Variants in RABGAP1L observed in about 807,000 individuals in gnomAD.
RABGAP1L encodes the protein rab GTPase-activating protein 1-like.
In RABGAP1L, 63 loss-of-function variants were observed where a neutral mutation model predicts 137.7. That is an observed-to-expected ratio of 0.46 (90% CI 0.37 to 0.56). The LOEUF (loss-of-function observed/expected upper bound fraction) is 0.56. Among genes scored for constraint, RABGAP1L ranks in the 20% least tolerant of loss-of-function variants. The probability of loss-of-function intolerance (pLI) is 0.00; values close to 1 mark genes in which losing one functional copy is unlikely to be tolerated. For synonymous variants in RABGAP1L, 431 were observed against 433.7 expected, an observed-to-expected ratio of 0.99 and a Z score of 0.08; for missense variants, 1,095 against 1,244.0, an observed-to-expected ratio of 0.88 and a Z score of 1.80.
intron 5 of RABGAP1L, 119 bp downstream of exon 5, chr1:174,241,776 A>G: frequency 2.2e-6 from 2 of 904,146 alleles, no homozygotes; most frequent in Non-Finnish European, 3.2e-6. Flanking sequence ...TCTAAAGACA[A>G]AATTAATATT....
intron 22 of RABGAP1L, among the ~76,000 whole-genome samples, chr1:174,977,817 A>G (rs906470465): frequency 1.3e-5 from 2 of 152,208 alleles, no homozygotes; most frequent in East Asian, 1.9e-4. Flanking sequence ...AAAGATCAAT[A>G]TAAACAACTG....
intron 19 of RABGAP1L, among the ~76,000 whole-genome samples, chr1:174,848,334 C>A (rs1647407957): frequency 1.2e-5 from 1 of 82,192 alleles, no homozygotes; most frequent in African/African-American, 5.5e-5. Flanking sequence ...TTTTTCTGTT[C>A]TGTTTTTTCC....
chr1:174,666,988 A>C (rs1224399956), intron 14 of RABGAP1L, among the ~76,000 whole-genome samples: 1 of 86,504 alleles, frequency 1.2e-5, no homozygotes, highest in African/African-American at 8.8e-5. Flanking sequence ...TACAAGGCAA[A>C]AAAAAAAAAA....
At chr1:174,588,063 G>A (rs575270848) in intron 13 of RABGAP1L, among the ~76,000 whole-genome samples, 17 of 151,960 alleles carry the variant, frequency 1.1e-4, no homozygotes, top group Admixed American at 8.5e-4. Flanking sequence ...ACAGATTTTT[G>A]CAATGTTGGC....
intron 13 of RABGAP1L, among the ~76,000 whole-genome samples, chr1:174,590,347 T>TTAA (rs774416743): frequency 7.5e-6 from 1 of 133,968 alleles, no homozygotes; most frequent in South Asian, 2.3e-4. Context: ...TTTTTTTTTT[T>TTAA]ATTTATTTTT....
chr1:174,442,527 T>G (rs1654276648), intron 13 of RABGAP1L, among the ~76,000 whole-genome samples: 2 of 152,166 alleles, frequency 1.3e-5, no homozygotes. Context: ...GAGGAAAGAA[T>G]AGGACCTTCT....
intron 17 of RABGAP1L, among the ~76,000 whole-genome samples, chr1:174,708,084 A>G (rs1351986025): frequency 6.6e-6 from 1 of 152,206 alleles, no homozygotes; most frequent in Non-Finnish European, 1.5e-5. Flanking sequence ...CATGAAATTT[A>G]AGGAAATCGT....
At chr1:174,667,354 G>A (rs1018166711) in intron 14 of RABGAP1L, among the ~76,000 whole-genome samples, 58 of 152,080 alleles carry the variant, frequency 3.8e-4, no homozygotes, top group Non-Finnish European at 4.4e-5. Context: ...GAGAATCTAA[G>A]TGATATAATG....
chr1:174,222,183 A>G (rs1255375782), intron 3 of RABGAP1L, among the ~76,000 whole-genome samples: 2 of 152,158 alleles, frequency 1.3e-5, no homozygotes, highest in Non-Finnish European at 2.9e-5. Context: ...TGATTGGACC[A>G]GTGAAACCAT....
At chr1:174,713,140 A>G (rs1367101114) in intron 17 of RABGAP1L, among the ~76,000 whole-genome samples, 4 of 152,170 alleles carry the variant, frequency 2.6e-5, no homozygotes, top group East Asian at 1.9e-4. Context: ...TTGAAGTGCT[A>G]TGTATCTCAC....
chr1:174,731,897 A>G (rs1682505930), intron 17 of RABGAP1L, among the ~76,000 whole-genome samples: 2 of 152,190 alleles, frequency 1.3e-5, no homozygotes, highest in African/African-American at 2.4e-5. Flanking sequence ...TGTTTCTACT[A>G]TATTCAAATC....
At chr1:174,532,226 T>G (rs76972849) in intron 13 of RABGAP1L, among the ~76,000 whole-genome samples, 5,248 of 151,734 alleles carry the variant, frequency 0.035, 118 homozygotes, top group Middle Eastern at 0.089. Context: ...TTTTTTTTTT[T>G]GGGACACAGT....
intron 4 of RABGAP1L, among the ~76,000 whole-genome samples, chr1:174,232,148 T>A (rs1328461367): frequency 6.6e-6 from 1 of 152,144 alleles, no homozygotes; most frequent in Non-Finnish European, 1.5e-5. Flanking sequence ...AGAAGCAAAA[T>A]GGCTTTTTCC....
intron 13 of RABGAP1L, among the ~76,000 whole-genome samples, chr1:174,455,258 G>T (rs1044570022): frequency 6.6e-6 from 1 of 152,030 alleles, no homozygotes; most frequent in African/African-American, 2.4e-5. Flanking sequence ...AAAATAATTT[G>T]CAAAAATTTG....
At chr1:174,201,565 G>A (rs1399164357) in intron 1 of RABGAP1L, among the ~76,000 whole-genome samples, 4 of 151,568 alleles carry the variant, frequency 2.6e-5, no homozygotes, top group Non-Finnish European at 5.9e-5. Flanking sequence ...GCTACACAGT[G>A]TGCTAGAGTC....
At position 174,514,242 on chromosome 1, in the gene RABGAP1L, T is replaced by G. The variant is rs544562312; in HGVS notation, c.1710+120097T>G. 1.6e-3 allele frequency among the ~76,000 whole-genome samples: 163 copies of G among 101,172 alleles called. 1 individual carries two copies. Among genetic ancestry groups the G allele is most frequent in the African/African-American group, 7.1e-3 (159 of 22,476 alleles). 66.4% of individuals were successfully genotyped at this position (101,172 alleles called of 152,430 possible). On this transcript the variant is annotated intron_variant, in intron 13 of 25. Coordinates refer to ENST00000681986, the MANE Select transcript of RABGAP1L (RefSeq NM_001366446.1). ...AAATCATGAAGCATGTGTTATATTT[T>G]AAGCCAAAAAAAAAAAAAAAAAAAA...
intron 11 of RABGAP1L, among the ~76,000 whole-genome samples, chr1:174,339,641 C>G (rs1277957300): frequency 1.3e-5 from 2 of 151,896 alleles, no homozygotes; most frequent in African/African-American, 4.8e-5. Flanking sequence ...GAGTCTCACT[C>G]TATTGCCCAG....
chr1:174,558,546 C>G (rs1188666774), intron 13 of RABGAP1L, among the ~76,000 whole-genome samples: 1 of 152,090 alleles, frequency 6.6e-6, no homozygotes, highest in Non-Finnish European at 1.5e-5. Context: ...CAAAGGAAGA[C>G]CAATTAATGG....
chr1:174,185,424 C>CT (rs749244403), intron 1 of RABGAP1L, among the ~76,000 whole-genome samples: 1 of 151,860 alleles, frequency 6.6e-6, no homozygotes. Flanking sequence ...AATTAAATTG[C>CT]TTTTTTGGTT....
Sources: gnomAD v4.1 joint callset for allele counts (sites outside exome capture counted in the v4.1 genomes callset) on GRCh38, gnomAD v4.1.1 for gene constraint, MANE v1.5 for transcripts, NCBI Gene and HGNC (gene_info 2026-07-23, HGNC 2026-07-21) for gene names.